Variants in METTL24 observed in about 807,000 individuals in gnomAD.
METTL24 encodes the protein methyltransferase like 24, also known as probable methyltransferase-like protein 24.
A neutral mutation model predicts 32.7 loss-of-function variants in METTL24; 29 were observed. The observed-to-expected ratio is 0.89, with a 90% CI of 0.66 to 1.21. The LOEUF is 1.21. Ranked by LOEUF, METTL24 falls within the 50% of genes most tolerant of loss-of-function variation. METTL24 has a pLI of 0.00. For synonymous variants in METTL24, 163 were observed against 179.5 expected, an observed-to-expected ratio of 0.91 and a Z score of 0.73; for missense variants, 439 against 468.1, an observed-to-expected ratio of 0.94 and a Z score of 0.57.
At chr6:110,260,057 C>T (rs1778463338) in intron 4 of METTL24, among the ~76,000 whole-genome samples, 1 of 152,174 alleles carries the variant, frequency 6.6e-6, no homozygotes, top group South Asian at 2.1e-4. Flanking sequence ...AGTCAGAATG[C>T]CTCTCCTCCT....
intron 4 of METTL24, among the ~76,000 whole-genome samples, chr6:110,287,607 C>T (rs1459054950): frequency 1.3e-5 from 2 of 152,194 alleles, no homozygotes; most frequent in South Asian, 2.1e-4. Flanking sequence ...CCTGCCCAAG[C>T]ATTCTGAAAC....
intron 1 of METTL24, among the ~76,000 whole-genome samples, chr6:110,325,265 T>G (rs78945029): frequency 0.027 from 4,118 of 152,224 alleles, 215 homozygotes; most frequent in African/African-American, 0.094. Context: ...AAATCAGGAG[T>G]TGGAAAATCT....
At position 110,322,896 on chromosome 6, in the gene METTL24, T is replaced by C. The variant is rs747170668; in HGVS notation, c.319-24A>G. ...CCCTGCAAGAGACAGAAAACATAGG[T>C]TGTGTGTAAGGAAGAGGAACTGGGT... On this transcript the variant is annotated intron_variant, in intron 1 of 4. Transcript: ENST00000338882. 6 of 1,487,378 alleles carry C rather than the reference T, an allele frequency of 4.0e-6. No homozygotes were observed. In the Admixed American group the frequency reaches 1.1e-4, roughly 26 times the overall value. The allele number at this position is 1,487,378 out of a possible 1,614,324, so 92.1% of individuals were successfully genotyped here.
intron 4 of METTL24, among the ~76,000 whole-genome samples, chr6:110,247,346 G>A (rs1289345455): frequency 6.6e-6 from 1 of 152,174 alleles, no homozygotes; most frequent in Admixed American, 6.5e-5. Flanking sequence ...AACAGAGTCT[G>A]TCTACAGAGC....
chr6:110,244,970 TTATCTATCTATC>T lies in METTL24; in HGVS notation c.*964_*975del, dbSNP rs34442447. Among the ~76,000 whole-genome samples, 59 of 150,084 alleles carry T rather than the reference TTATCTATCTATC, an allele frequency of 3.9e-4. No homozygotes were observed. The highest frequency in any genetic ancestry group is 6.9e-4 in the Non-Finnish European group (47 of 67,714). The stretch of plus-strand genomic sequence containing the variant: ...AAACATGCCAGTAGGAAAATCTATC[TTATCTATCTATC>T]TATCTATCTATCTATCTATCATCTA... On this transcript the variant is annotated 3_prime_UTR_variant, in exon 5 of 5. Transcript: ENST00000338882.
At chr6:110,321,606 G>C (rs187318202) in intron 2 of METTL24, among the ~76,000 whole-genome samples, 32 of 152,232 alleles carry the variant, frequency 2.1e-4, no homozygotes, top group Admixed American at 2.1e-3. Flanking sequence ...AATTAAGTCT[G>C]CCTAAGTCCA....
At chr6:110,348,645 GGGAC>G (rs1265648175) in intron 1 of METTL24, among the ~76,000 whole-genome samples, 40 of 152,314 alleles carry the variant, frequency 2.6e-4, no homozygotes, top group Admixed American at 2.4e-3. Context: ...CTCTGATTTG[GGGAC>G]GGATTCTGAA....
chr6:110,350,007 T>C (rs1279901586), intron 1 of METTL24, among the ~76,000 whole-genome samples: 2 of 152,226 alleles, frequency 1.3e-5, no homozygotes, highest in African/African-American at 4.8e-5. Flanking sequence ...ACTGAGCTAC[T>C]CTGTGGCCCT....
At chr6:110,296,482 A>G (rs1362857653) in intron 4 of METTL24, among the ~76,000 whole-genome samples, 1 of 152,220 alleles carries the variant, frequency 6.6e-6, no homozygotes, top group African/African-American at 2.4e-5. Context: ...ATGCTTTAGA[A>G]CAGGCTTTTG....
chr6:110,255,900 G>A lies in METTL24; in HGVS notation c.787-9640C>T, dbSNP rs111705020. The stretch of plus-strand genomic sequence containing the variant: ...TCAACCTCAGAGCATGCTGGAGCCA[G>A]TAATGTGACTTAGGCAAGAAAAGAA... On this transcript the variant is annotated intron_variant, in intron 4 of 4. Transcript: ENST00000338882. Among the ~76,000 whole-genome samples, 754 of 152,022 alleles carry A rather than the reference G, an allele frequency of 5.0e-3. 10 individuals are homozygous for A. Among genetic ancestry groups the A allele is most frequent in the African/African-American group, 0.018 (728 of 41,480 alleles).
intron 1 of METTL24, among the ~76,000 whole-genome samples, chr6:110,329,843 A>G (rs2114760583): frequency 6.6e-6 from 1 of 152,228 alleles, no homozygotes; most frequent in African/African-American, 2.4e-5. Context: ...GGGTAAGCAC[A>G]CTCCCACCCC....
chr6:110,344,729 T>C (rs1475239545), intron 1 of METTL24, among the ~76,000 whole-genome samples: 1 of 152,190 alleles, frequency 6.6e-6, no homozygotes, highest in African/African-American at 2.4e-5. Context: ...GCTAGCCATA[T>C]ACAGAAGACT....
In METTL24 at chr6:110,322,886, A is replaced by G. The variant is rs1371420265; in HGVS notation, c.319-14T>C. On this transcript the variant is annotated splice_polypyrimidine_tract_variant and intron_variant, in intron 1 of 4. Transcript: ENST00000338882. ...CCACCGGGGACCCTGCAAGAGACAGAAAACATAGGTTGTGTGTAAGGAAGA... is the reference window on the plus strand; with the variant it reads ...CCACCGGGGACCCTGCAAGAGACAGGAAACATAGGTTGTGTGTAAGGAAGA... 1 of 1,575,286 alleles carries G rather than the reference A, an allele frequency of 6.3e-7. No individual in the cohort carries two copies. The highest frequency in any genetic ancestry group is 1.8e-5 in the Admixed American group (1 of 55,434).
At chr6:110,250,933 C>T (rs1337494933) in intron 4 of METTL24, among the ~76,000 whole-genome samples, 2 of 152,252 alleles carry the variant, frequency 1.3e-5, no homozygotes, top group Admixed American at 6.5e-5. Flanking sequence ...ATCCTCACAT[C>T]TACAGTTTCT....
At chr6:110,323,067 G>T (rs9487377) in intron 1 of METTL24, among the ~76,000 whole-genome samples, 195 bp from the exon 2 acceptor site, 44,143 of 152,070 alleles carry the variant, frequency 0.29, 11,795 homozygotes, top group African/African-American at 0.71. Flanking sequence ...AAATGAGGCC[G>T]GAGACAGCAC....
chr6:110,320,242 T>A (rs1234203004), intron 2 of METTL24, among the ~76,000 whole-genome samples: 1 of 152,160 alleles, frequency 6.6e-6, no homozygotes, highest in Admixed American at 6.5e-5. Context: ...AGAGCTTTTA[T>A]TTTTTTCCTT....
intron 2 of METTL24, 61 bp from the exon 3 acceptor site, chr6:110,315,542 G>T: frequency 1.3e-6 from 2 of 1,558,682 alleles, no homozygotes; most frequent in Non-Finnish European, 1.8e-6. Flanking sequence ...TAGCAGGTAG[G>T]GACTTATTGC....
At chr6:110,340,171 C>A (rs767611712) in intron 1 of METTL24, among the ~76,000 whole-genome samples, 5 of 151,598 alleles carry the variant, frequency 3.3e-5, no homozygotes, top group African/African-American at 1.2e-4. Flanking sequence ...GAGTCCAGGG[C>A]GCTCACACAT....
At chr6:110,270,527 G>A (rs972251927) in intron 4 of METTL24, among the ~76,000 whole-genome samples, 20 of 152,092 alleles carry the variant, frequency 1.3e-4, no homozygotes, top group African/African-American at 4.6e-4. Context: ...ACATTTTGAG[G>A]AGTGGGTGGT....
Sources: gnomAD v4.1 joint callset for allele counts (sites outside exome capture counted in the v4.1 genomes callset) on GRCh38, gnomAD v4.1.1 for gene constraint, MANE v1.5 for transcripts, NCBI Gene and HGNC (gene_info 2026-07-23, HGNC 2026-07-21) for gene names.